Variants in PLXDC2 observed in about 807,000 individuals in gnomAD.
PLXDC2 encodes the protein plexin domain-containing protein 2.
PLXDC2 carries 40 observed loss-of-function variants against 68.9 expected under a neutral mutation model. The observed-to-expected ratio is 0.58, with a 90% CI of 0.45 to 0.76. The LOEUF (loss-of-function observed/expected upper bound fraction) is 0.76, where lower values mean the gene tolerates loss of function less well. Among genes scored for constraint, PLXDC2 ranks in the 30% least tolerant of loss-of-function variants. PLXDC2 has a pLI of 0.00. For synonymous variants in PLXDC2, 243 were observed against 234.2 expected (o/e 1.04, Z -0.34); for missense variants, 644 against 661.9 (o/e 0.97, Z 0.30).
chr10:20,251,578 T>C (rs1785963449), intron 13 of PLXDC2, among the ~76,000 whole-genome samples: 1 of 152,122 alleles, frequency 6.6e-6, no homozygotes, highest in Non-Finnish European at 1.5e-5. Flanking sequence ...ATGTTTACAC[T>C]CTTGAGTGGT....
intron 2 of PLXDC2, among the ~76,000 whole-genome samples, chr10:20,023,162 C>G (rs1835341710): frequency 6.8e-6 from 1 of 148,084 alleles, no homozygotes. Flanking sequence ...TATATATTAT[C>G]TACAATCCGT....
chr10:20,213,021 TTTTA>T (rs1391074404), intron 10 of PLXDC2, among the ~76,000 whole-genome samples: 1 of 152,188 alleles, frequency 6.6e-6, no homozygotes, highest in Non-Finnish European at 1.5e-5. Context: ...TTCTCTATGA[TTTTA>T]TTTCACTAAC....
In PLXDC2 at chr10:20,051,395, AATATATATATATATATATATATATAT is replaced by A. The variant is rs57093355; in HGVS notation, c.471+4403_471+4428del. 7.4e-4 allele frequency among the ~76,000 whole-genome samples: 88 copies of A among 118,474 alleles called. 2 individuals are homozygous for A. In the South Asian group the frequency reaches 0.013, roughly 18 times the overall value. 77.7% of individuals were successfully genotyped at this position (118,474 alleles called of 152,430 possible). A position where few individuals can be genotyped will look rare whatever the true frequency, so the allele number is the denominator to read the frequency against. ...ACTGCTGACCCTAAAATAAAGGTTA[AATATATATATATATATATATATATAT>A]ATATATATATATATATATATATGTG... On this transcript the variant is annotated intron_variant, in intron 3 of 13. Coordinates refer to ENST00000377252, the MANE Select transcript of PLXDC2 (RefSeq NM_032812.9).
chr10:19,972,828 G>T (rs1834377608), intron 1 of PLXDC2, among the ~76,000 whole-genome samples: 1 of 152,154 alleles, frequency 6.6e-6, no homozygotes, highest in African/African-American at 2.4e-5. Flanking sequence ...AGAAAATTGA[G>T]CTAATTAGTG....
chr10:20,269,607 T>A (rs1196335352), intron 13 of PLXDC2, among the ~76,000 whole-genome samples: 1 of 152,164 alleles, frequency 6.6e-6, no homozygotes, highest in East Asian at 1.9e-4. Context: ...TTAATATCTA[T>A]GGGCAAATAT....
At chr10:19,942,695 C>T (rs181483632) in intron 1 of PLXDC2, among the ~76,000 whole-genome samples, 110 of 152,168 alleles carry the variant, frequency 7.2e-4, no homozygotes, top group South Asian at 2.7e-3. Context: ...ACCTGGGAGG[C>T]GGAGGTAGTT....
At chr10:19,837,993 A>C (rs1424996539) in intron 1 of PLXDC2, among the ~76,000 whole-genome samples, 3 of 152,182 alleles carry the variant, frequency 2.0e-5, no homozygotes, top group Non-Finnish European at 4.4e-5. Context: ...ATAAATTTAT[A>C]TATTTATTGA....
chr10:19,986,776 G>A (rs1192104583), intron 1 of PLXDC2, among the ~76,000 whole-genome samples: 1 of 152,166 alleles, frequency 6.6e-6, no homozygotes, highest in Non-Finnish European at 1.5e-5. Flanking sequence ...GTGTCTCAGA[G>A]CATTTTGCTT....
intron 1 of PLXDC2, among the ~76,000 whole-genome samples, chr10:19,872,091 G>T (rs571270874): frequency 1.3e-5 from 2 of 152,256 alleles, no homozygotes; most frequent in South Asian, 2.1e-4. Flanking sequence ...CTGCAATGCT[G>T]GTTTGGAGCA....
intron 1 of PLXDC2, among the ~76,000 whole-genome samples, chr10:19,876,308 C>G (rs987498810): frequency 4.6e-5 from 7 of 152,118 alleles, no homozygotes; most frequent in Non-Finnish European, 8.8e-5. Context: ...TTTGCAGAAA[C>G]TGGATCTTTT....
chr10:20,245,604 A>T, intron 13 of PLXDC2, 99 bp downstream of exon 13: 1 of 1,362,934 alleles, frequency 7.3e-7, no homozygotes, highest in East Asian at 2.4e-5. Context: ...TGGCTTCTCC[A>T]TTTTTCAGTT....
At chr10:19,872,262 C>G (rs914050026) in intron 1 of PLXDC2, among the ~76,000 whole-genome samples, 1 of 152,210 alleles carries the variant, frequency 6.6e-6, no homozygotes, top group Admixed American at 6.5e-5. Flanking sequence ...CCATTTCATC[C>G]CTGAGGTGAC....
chr10:20,189,544 C>T lies in PLXDC2; in HGVS notation c.1061+12135C>T, dbSNP rs181084112. Among the ~76,000 whole-genome samples, 492 of 70,030 alleles carry T rather than the reference C, an allele frequency of 7.0e-3. 1 individual carries two copies. Among genetic ancestry groups the T allele is most frequent in the African/African-American group, 0.015 (466 of 31,782 alleles). 45.9% of individuals were successfully genotyped at this position (70,030 alleles called of 152,430 possible). A position where few individuals can be genotyped will look rare whatever the true frequency, so the allele number is the denominator to read the frequency against. On this transcript the variant is annotated intron_variant, in intron 9 of 13. Transcript: ENST00000377252. ...ATATATATACACACACATATATATA[C>T]ACACACACACACATATATATATATA...
At position 19,915,071 on chromosome 10, in the gene PLXDC2, C is replaced by T. The variant is rs532811540; in HGVS notation, c.113-86704C>T. Among the ~76,000 whole-genome samples the T allele has an allele frequency of 2.6e-5, 4 of 152,072 alleles. No homozygotes were observed. In the South Asian group the frequency reaches 8.3e-4, roughly 32 times the overall value. On this transcript the variant is annotated intron_variant, in intron 1 of 13. Coordinates refer to ENST00000377252, the MANE Select transcript of PLXDC2 (RefSeq NM_032812.9). The stretch of plus-strand genomic sequence containing the variant: ...GTCATTTTTTTTAAATTTACTCTAC[C>T]AATCTCTGTCCTTTAACTGGTATAT...
At chr10:20,049,085 A>G (rs570025365) in intron 3 of PLXDC2, among the ~76,000 whole-genome samples, 13 of 152,202 alleles carry the variant, frequency 8.5e-5, no homozygotes, top group Middle Eastern at 3.4e-3. Context: ...TTGGTTACCC[A>G]TGAGTATTGA....
chr10:20,069,576 G>A (rs948908330), intron 4 of PLXDC2, among the ~76,000 whole-genome samples: 3 of 152,124 alleles, frequency 2.0e-5, no homozygotes, highest in African/African-American at 7.2e-5. Flanking sequence ...GACCACTTGA[G>A]GCCAGGAGTT....
At chr10:20,149,459 G>C (rs1281826352) in intron 6 of PLXDC2, among the ~76,000 whole-genome samples, 1 of 151,708 alleles carries the variant, frequency 6.6e-6, no homozygotes. Context: ...GGCTGGTCTT[G>C]AACGCCCTAC....
Position 20,235,713 on chromosome 10 carries a change from G to T in PLXDC2, c.1313-9632G>T, listed in dbSNP as rs544843386. ...CTGTCTTTCTACACTGATAAGAAGA[G>T]TGAAGGGGATTTTTCTTCCATGTTC... On this transcript the variant is annotated intron_variant, in intron 12 of 13. Coordinates refer to ENST00000377252, the MANE Select transcript of PLXDC2 (RefSeq NM_032812.9). Among the ~76,000 whole-genome samples, 151 of 152,296 alleles carry T rather than the reference G, an allele frequency of 9.9e-4. 1 individual carries two copies. The highest frequency in any genetic ancestry group is 3.6e-3 in the African/African-American group (150 of 41,552).
intron 13 of PLXDC2, among the ~76,000 whole-genome samples, chr10:20,267,840 C>CTTTTTTTTT (rs58705023): frequency 1.4e-5 from 2 of 146,578 alleles, no homozygotes; most frequent in Non-Finnish European, 1.5e-5. Context: ...GCTTTTTTAT[C>CTTTTTTTTT]TTTTTTTTTT....
Sources: gnomAD v4.1 joint callset for allele counts (sites outside exome capture counted in the v4.1 genomes callset) on GRCh38, gnomAD v4.1.1 for gene constraint, MANE v1.5 for transcripts, NCBI Gene and HGNC (gene_info 2026-07-23, HGNC 2026-07-21) for gene names.